Variants in PEPD observed in about 807,000 individuals in gnomAD.
PEPD encodes peptidase D.
A neutral mutation model predicts 60.7 loss-of-function variants in PEPD; 53 were observed. The ratio of observed to expected loss-of-function variants is 0.87; its 90% CI spans 0.70 to 1.10. The LOEUF (loss-of-function observed/expected upper bound fraction) is 1.10, where lower values mean the gene tolerates loss of function less well. Ranked by LOEUF, PEPD falls within the 50% of genes least tolerant of loss-of-function variation. The pLI, the probability that PEPD is intolerant of heterozygous loss-of-function variation, is 0.00. For synonymous variants in PEPD, 267 were observed against 284.1 expected (o/e 0.94, Z 0.60); for missense variants, 711 against 711.9 (o/e 1.00, Z 0.01).
intron 9 of PEPD, among the ~76,000 whole-genome samples, chr19:33,431,268 G>A (rs555367184): frequency 1.3e-4 from 20 of 152,126 alleles, no homozygotes; most frequent in Admixed American, 5.2e-4. Context: ...AGAGAGGGAC[G>A]AAAAGAAAGA....
At chr19:33,480,825 T>C (rs986844511) in intron 6 of PEPD, among the ~76,000 whole-genome samples, 1 of 126,230 alleles carries the variant, frequency 7.9e-6, no homozygotes, top group Non-Finnish European at 1.7e-5. Flanking sequence ...TGTGTGTGTG[T>C]GTGTGTGTGT....
chr19:33,428,255 T>G (rs1384530122), intron 9 of PEPD, among the ~76,000 whole-genome samples: 1 of 151,964 alleles, frequency 6.6e-6, no homozygotes, highest in African/African-American at 2.4e-5. Flanking sequence ...GGATGCCGGG[T>G]TTCCTGATGT....
intron 2 of PEPD, chr19:33,511,403 C>T (rs1970924372): frequency 4.1e-6 from 2 of 484,320 alleles, no homozygotes; most frequent in Non-Finnish European, 7.7e-6. Context: ...CAGGCATGTG[C>T]CTGAGTCCAC....
At chr19:33,435,852 G>A (rs533895447) in intron 9 of PEPD, among the ~76,000 whole-genome samples, 2 of 152,332 alleles carry the variant, frequency 1.3e-5, no homozygotes, top group South Asian at 4.1e-4. Flanking sequence ...AGGCCAGGGG[G>A]TGCCCTCCAG....
At chr19:33,415,209 C>T (rs543398491) in intron 9 of PEPD, among the ~76,000 whole-genome samples, 6 of 152,316 alleles carry the variant, frequency 3.9e-5, no homozygotes, top group African/African-American at 1.4e-4. Flanking sequence ...AGAAGCGAAC[C>T]TCAGAGGTCA....
chr19:33,390,002 C>T (rs887323584), intron 13 of PEPD, among the ~76,000 whole-genome samples: 2 of 152,276 alleles, frequency 1.3e-5, no homozygotes, highest in African/African-American at 4.8e-5. Context: ...AGGGGTCCTG[C>T]CCTCACCGCG....
chr19:33,421,670 G>A (rs976089382), intron 9 of PEPD, among the ~76,000 whole-genome samples: 6 of 151,774 alleles, frequency 4.0e-5, no homozygotes, highest in Admixed American at 3.3e-4. Context: ...TTTTTTATAT[G>A]TTTTGTGGAG....
chr19:33,483,815 T>C (rs1469643226), intron 6 of PEPD, among the ~76,000 whole-genome samples: 1 of 151,544 alleles, frequency 6.6e-6, no homozygotes, highest in Non-Finnish European at 1.5e-5. Context: ...GCCCAGTCTC[T>C]TTAAAAAAGC....
chr19:33,487,681 T>C (rs1234183199), intron 6 of PEPD, among the ~76,000 whole-genome samples: 1 of 151,960 alleles, frequency 6.6e-6, no homozygotes, highest in Non-Finnish European at 1.5e-5. Context: ...GGATCAGAGA[T>C]TGGAGAGGTA....
chr19:33,463,070 T>C (rs899745168), intron 8 of PEPD, 29 bp from the exon 9 acceptor site: 6 of 1,404,762 alleles, frequency 4.3e-6, no homozygotes, highest in Admixed American at 1.7e-5. Flanking sequence ...GCAAAGACAT[T>C]TGTATTAAGC....
In PEPD at chr19:33,454,498, C is replaced by T. The variant is rs147585356; in HGVS notation, c.671+8497G>A. 7.3e-5 allele frequency among the ~76,000 whole-genome samples: 11 copies of T among 151,706 alleles called. No individual in the cohort carries two copies. The East Asian group carries it at 7.8e-4, about 11-fold the overall frequency. ...GCACCTGTAACCCCAGCTACTCGAG[C>T]GGCTGAAGCAGGAGAATCATTTGAG... On this transcript the variant is annotated intron_variant, in intron 9 of 14. Coordinates refer to ENST00000244137, the MANE Select transcript of PEPD (RefSeq NM_000285.4).
At chr19:33,513,189 C>T (rs1970961493) in intron 1 of PEPD, among the ~76,000 whole-genome samples, 1 of 152,184 alleles carries the variant, frequency 6.6e-6, no homozygotes, top group Admixed American at 6.5e-5. Flanking sequence ...AGGCAGGCCC[C>T]TGGCTCCCGG....
rs528963679 is a variant in PEPD, at chr19:33,478,880, G to C, written c.504-790C>G. On this transcript the variant is annotated intron_variant, in intron 6 of 14. Transcript: ENST00000244137. ...AGAGTAACCTGAATCCACGTGAAGAGAAAGAGAGCACTGGCAATGGTAACC... is the reference window on the plus strand; with the variant it reads ...AGAGTAACCTGAATCCACGTGAAGACAAAGAGAGCACTGGCAATGGTAACC... Among the ~76,000 whole-genome samples the C allele has an allele frequency of 1.2e-4, 18 of 152,334 alleles. No homozygotes were observed. The East Asian group carries it at 2.9e-3, about 24-fold the overall frequency.
At chr19:33,501,652 G>GAGTGAC (rs1446383638) in intron 3 of PEPD, among the ~76,000 whole-genome samples, 1 of 152,036 alleles carries the variant, frequency 6.6e-6, no homozygotes, top group Non-Finnish European at 1.5e-5. Context: ...ACTCCAGCCT[G>GAGTGAC]AGTGACAGAG....
rs1307747344 is a variant in PEPD at position 33,416,678 on chromosome 19, C to T, written c.672-3035G>A. On this transcript the variant is annotated intron_variant, in intron 9 of 14. Transcript: ENST00000244137. ...GCCTAAGTCCCAGCCAACGACATCC[C>T]GGCTGCTGTGTGGGCCCCGTTGTTT... Among the ~76,000 whole-genome samples, 5 of 152,226 alleles carry T rather than the reference C, an allele frequency of 3.3e-5. No homozygotes were observed. In the East Asian group the frequency reaches 5.8e-4, roughly 18 times the overall value.
chr19:33,472,368 G>A (rs2145288141), intron 7 of PEPD, among the ~76,000 whole-genome samples: 1 of 152,188 alleles, frequency 6.6e-6, no homozygotes, highest in East Asian at 1.9e-4. Context: ...CAGGCTCTTT[G>A]GCCAGGAAAA....
chr19:33,388,195 T>C (rs1294281398), intron 13 of PEPD, 114 bp from the exon 14 acceptor site: 4 of 899,268 alleles, frequency 4.4e-6, no homozygotes, highest in East Asian at 2.6e-5. Context: ...CTCTTGACCA[T>C]TGGGGTCCTC....
At position 33,387,418 on chromosome 19, in the gene PEPD, G is replaced by A. The variant is rs753026572; in HGVS notation, c.1408C>T (p.Arg470Cys). The stretch of plus-strand genomic sequence containing the variant: ...CATGCTTCAATCTCTTCCACAGTGC[G>A]GGGCACGCAGGTCAGCAGCTCTATG... Reference protein sequence around the residue: ...SGIELLTCVPRTVEEIEACMA... With the variant: ...SGIELLTCVPCTVEEIEACMA... The change falls in exon 15 of 15, where the codon CGC (arginine) becomes TGC (cysteine). Residue 470 changes from arginine (R) to cysteine (C), a missense_variant. Arg to Cys is a radical substitution (Grantham distance 180, BLOSUM62 -3). Coordinates refer to ENST00000244137, the MANE Select transcript of PEPD (RefSeq NM_000285.4). 30 of 1,613,912 alleles carry A rather than the reference G, an allele frequency of 1.9e-5. No individual in the cohort carries two copies. The highest frequency in any genetic ancestry group is 8.3e-5 in the Admixed American group (5 of 60,014).
Position 33,387,445 on chromosome 19 carries a change from C to A in PEPD, c.1381G>T (p.Gly461Cys). The change falls in exon 15 of 15, where the codon GGC (glycine) becomes TGC (cysteine). Residue 461 changes from glycine (G) to cysteine (C), a missense_variant. Gly to Cys is a radical substitution (Grantham distance 159). Coordinates refer to ENST00000244137, the MANE Select transcript of PEPD (RefSeq NM_000285.4). ...GGCACGCAGGTCAGCAGCTCTATGC[C>A]GCTGTCAGTCACCACGACGTCCTCC... ...IEEDVVVTDS[G>C]IELLTCVPRT... 1 of 1,613,962 alleles carries A rather than the reference C, an allele frequency of 6.2e-7. No homozygotes were observed. The highest frequency in any genetic ancestry group is 8.5e-7 in the Non-Finnish European group (1 of 1,180,024).
Sources: gnomAD v4.1 joint callset for allele counts (sites outside exome capture counted in the v4.1 genomes callset) on GRCh38, gnomAD v4.1.1 for gene constraint, MANE v1.5 for transcripts, NCBI Gene and HGNC (gene_info 2026-07-23, HGNC 2026-07-21) for gene names.